LSAMP: variants seen among roughly 807,000 people sequenced by gnomAD.
LSAMP encodes limbic system-associated membrane protein.
Under a neutral mutation model 38.6 loss-of-function variants are expected in LSAMP, and 7 were observed. The observed-to-expected ratio is 0.18, with a 90% CI of 0.10 to 0.34. The LOEUF (loss-of-function observed/expected upper bound fraction) is 0.34. Among genes scored for constraint, LSAMP ranks in the 10% least tolerant of loss-of-function variants. LSAMP has a pLI of 1.00. For missense variants in LSAMP, 313 were observed against 420.0 expected, an observed-to-expected ratio of 0.75 and a Z score of 2.23; for synonymous variants, 154 against 166.8, an observed-to-expected ratio of 0.92 and a Z score of 0.59.
At chr3:116,304,264 G>T in intron 1 of LSAMP, among the ~76,000 whole-genome samples, 1 of 152,134 alleles carries the variant, frequency 6.6e-6, no homozygotes, top group South Asian at 2.1e-4. Context: ...ATAAAAAAAT[G>T]AATAAGATAC....
chr3:116,082,861 A>G (rs941083391), intron 2 of LSAMP, among the ~76,000 whole-genome samples: 3 of 152,106 alleles, frequency 2.0e-5, no homozygotes, highest in Non-Finnish European at 2.9e-5. Flanking sequence ...ACAAAGAAGG[A>G]AACAACAGAC....
chr3:116,165,241 T>C (rs1026424945), intron 1 of LSAMP, among the ~76,000 whole-genome samples: 2 of 152,318 alleles, frequency 1.3e-5, no homozygotes, highest in Admixed American at 1.3e-4. Context: ...ATTGCTGACC[T>C]CTCCCCAGAC....
At chr3:116,073,838 A>G (rs1707669798) in intron 2 of LSAMP, among the ~76,000 whole-genome samples, 1 of 152,214 alleles carries the variant, frequency 6.6e-6, no homozygotes, top group Non-Finnish European at 1.5e-5. Flanking sequence ...CAGTGTTTTT[A>G]TTTGGAAAAA....
At chr3:115,987,796 C>T (rs532665287) in intron 3 of LSAMP, among the ~76,000 whole-genome samples, 2 of 152,190 alleles carry the variant, frequency 1.3e-5, no homozygotes, top group East Asian at 1.9e-4. Flanking sequence ...TTAATGCAAG[C>T]ATATTTTGCA....
In LSAMP at chr3:115,808,105, C is replaced by CCTTA. The variant is rs1933675754; in HGVS notation, c.*2211_*2212insTAAG. ...TTTCTCCTTCCTTCCTTCCTTCCTT[C>CCTTA]CTTCCTCCCTCCCTCCCTCCCTCCC... is the stretch of plus-strand genomic sequence containing the variant. On this transcript the variant is annotated 3_prime_UTR_variant, in exon 7 of 7. Coordinates refer to ENST00000490035, the MANE Select transcript of LSAMP (RefSeq NM_002338.5). The CCTTA allele has an allele frequency of 1.2e-5, 1 of 86,168 alleles. No homozygotes were observed. The highest frequency in any genetic ancestry group is 6.1e-5 in the African/African-American group (1 of 16,494). 5.3% of individuals were successfully genotyped at this position (86,168 alleles called of 1,614,324 possible). A position where few individuals can be genotyped will look rare whatever the true frequency, so the allele number is the denominator to read the frequency against.
chr3:116,074,045 T>C (rs554228999), intron 2 of LSAMP, among the ~76,000 whole-genome samples: 1 of 152,298 alleles, frequency 6.6e-6, no homozygotes, highest in South Asian at 2.1e-4. Context: ...GAAACATCAA[T>C]GATACAACCA....
At position 116,144,562 on chromosome 3, in the gene LSAMP, C is replaced by T. The variant is rs921483842; in HGVS notation, c.156-58006G>A. ...TAAAATACTCTATATCATCACCTTACTTTTTTTTTTTTTTGTATTCTGCAT... is the reference window on the plus strand; with the variant it reads ...TAAAATACTCTATATCATCACCTTATTTTTTTTTTTTTTTGTATTCTGCAT... On this transcript the variant is annotated intron_variant, in intron 1 of 6. Transcript: ENST00000490035. 3.0e-3 allele frequency among the ~76,000 whole-genome samples: 427 copies of T among 142,148 alleles called. 6 individuals carry two copies. The highest frequency in any genetic ancestry group is 0.01 in the African/African-American group (405 of 38,922). The allele number at this position is 142,148 out of a possible 152,430, so 93.3% of individuals were successfully genotyped here. A position where few individuals can be genotyped will look rare whatever the true frequency, so the allele number is the denominator to read the frequency against.
intron 1 of LSAMP, among the ~76,000 whole-genome samples, chr3:116,225,614 A>C (rs1456409018): frequency 1.3e-5 from 2 of 152,210 alleles, no homozygotes; most frequent in Non-Finnish European, 2.9e-5. Context: ...TACTTTGTTG[A>C]CATTCAAAAT....
At chr3:116,247,098 G>T (rs545432984) in intron 1 of LSAMP, among the ~76,000 whole-genome samples, 3 of 152,118 alleles carry the variant, frequency 2.0e-5, no homozygotes, top group Non-Finnish European at 4.4e-5. Flanking sequence ...TTCATGCAGG[G>T]CTTACATTCC....
intron 1 of LSAMP, among the ~76,000 whole-genome samples, chr3:116,219,790 C>A (rs1399682742): frequency 6.6e-6 from 1 of 152,054 alleles, no homozygotes; most frequent in Non-Finnish European, 1.5e-5. Context: ...ACTAATATTA[C>A]AAATAAGCTA....
At chr3:116,206,281 G>T in intron 1 of LSAMP, among the ~76,000 whole-genome samples, 1 of 149,092 alleles carries the variant, frequency 6.7e-6, no homozygotes, top group Middle Eastern at 3.4e-3. Context: ...GTGTCTATTT[G>T]ATTCTTCTCT....
chr3:116,270,131 T>G lies in LSAMP; in HGVS notation c.155+174746A>C, dbSNP rs553844690. Among the ~76,000 whole-genome samples the G allele has an allele frequency of 3.3e-5, 5 of 152,308 alleles. No individual in the cohort carries two copies. In the East Asian group the frequency reaches 9.6e-4, roughly 29 times the overall value. On this transcript the variant is annotated intron_variant, in intron 1 of 6. Coordinates refer to ENST00000490035, the MANE Select transcript of LSAMP (RefSeq NM_002338.5). The stretch of plus-strand genomic sequence containing the variant: ...TTTTCTTTGGTTTTATTTTGTGTTT[T>G]CCAAAGCAATATACATTTTAGGTCA...
intron 1 of LSAMP, among the ~76,000 whole-genome samples, chr3:116,134,758 G>A (rs1471836324): frequency 1.3e-5 from 2 of 152,086 alleles, no homozygotes; most frequent in African/African-American, 4.8e-5. Context: ...TTATAACAGT[G>A]CATATCCTTC....
chr3:116,210,299 T>C (rs78987511), intron 1 of LSAMP, among the ~76,000 whole-genome samples: 1 of 152,104 alleles, frequency 6.6e-6, no homozygotes, highest in Non-Finnish European at 1.5e-5. Flanking sequence ...ATTAGTGGGT[T>C]TGGAGAGGCA....
chr3:116,414,579 T>C (rs2049023927), intron 1 of LSAMP, among the ~76,000 whole-genome samples: 1 of 152,126 alleles, frequency 6.6e-6, no homozygotes, highest in African/African-American at 2.4e-5. Flanking sequence ...GAAATTATAT[T>C]CCAGCTAAAA....
intron 1 of LSAMP, among the ~76,000 whole-genome samples, chr3:116,119,393 A>C (rs1033250723): frequency 6.6e-6 from 1 of 152,166 alleles, no homozygotes; most frequent in East Asian, 1.9e-4. Flanking sequence ...TTACATCATA[A>C]ATTGTACCAA....
At chr3:116,352,115 T>G (rs1370466510) in intron 1 of LSAMP, among the ~76,000 whole-genome samples, 1 of 152,054 alleles carries the variant, frequency 6.6e-6, no homozygotes, top group Non-Finnish European at 1.5e-5. Context: ...CTCTAGGTGT[T>G]TAAGCAGAAA....
intron 3 of LSAMP, among the ~76,000 whole-genome samples, chr3:115,926,117 CAG>C (rs1937493748): frequency 6.6e-6 from 1 of 152,058 alleles, no homozygotes; most frequent in Admixed American, 6.6e-5. Flanking sequence ...GTACAGAAAA[CAG>C]GTGTCTGGAG....
chr3:116,152,811 T>TAC (rs892798667), intron 1 of LSAMP, among the ~76,000 whole-genome samples: 16 of 152,136 alleles, frequency 1.1e-4, no homozygotes, highest in African/African-American at 3.9e-4. Flanking sequence ...TAGAAATATG[T>TAC]ACACACACAC....
Sources: allele counts gnomAD v4.1 joint callset (sites outside exome capture counted in the v4.1 genomes callset), GRCh38; gene constraint gnomAD v4.1.1; transcripts MANE v1.5; gene names NCBI Gene and HGNC (gene_info 2026-07-23, HGNC 2026-07-21).